DIAPH2: variants seen among roughly 807,000 people sequenced by gnomAD.
DIAPH2 encodes the protein diaphanous related formin 2, also known as protein diaphanous homolog 2.
Under a neutral mutation model 92.7 loss-of-function variants are expected in DIAPH2, and 35 were observed. The ratio of observed to expected loss-of-function variants is 0.38; its 90% CI spans 0.29 to 0.50. The LOEUF is 0.50. Ranked by LOEUF, DIAPH2 falls within the 20% of genes least tolerant of loss-of-function variation. The probability of loss-of-function intolerance (pLI) is 0.94; values close to 1 mark genes in which losing one functional copy is unlikely to be tolerated. For missense variants in DIAPH2, 701 were observed against 819.5 expected (o/e 0.86, Z 1.77); for synonymous variants, 301 against 280.4 (o/e 1.07, Z -0.73).
intron 1 of DIAPH2, among the ~76,000 whole-genome samples, chrX:96,710,058 T>C (rs1417408254): frequency 8.9e-6 from 1 of 111,872 alleles, no homozygotes; most frequent in East Asian, 2.8e-4. Flanking sequence ...GGACATACTT[T>C]CTGGAACATT....
Position 97,009,803 on chromosome X carries a change from A to C in DIAPH2, c.2050+44596A>C, listed in dbSNP as rs1160285665. On this transcript the variant is annotated intron_variant, in intron 17 of 26. Transcript: ENST00000324765. ...TCCTTCTGTGGCTGAGCTGGTATCCAAGTGGCAAAACAAAGTCCTCTTTAC... is the reference window on the plus strand; with the variant it reads ...TCCTTCTGTGGCTGAGCTGGTATCCCAGTGGCAAAACAAAGTCCTCTTTAC... Among the ~76,000 whole-genome samples, 3 of 111,737 alleles carry C rather than the reference A, an allele frequency of 2.7e-5. No homozygotes were observed. In the East Asian group the frequency reaches 8.5e-4, roughly 32 times the overall value.
chrX:97,029,543 T>C (rs777331039), intron 17 of DIAPH2, among the ~76,000 whole-genome samples: 18 of 111,890 alleles, frequency 1.6e-4, no homozygotes, highest in African/African-American at 5.2e-4. Context: ...TAAGCTAAAT[T>C]GATCTGTTTT....
intron 26 of DIAPH2, among the ~76,000 whole-genome samples, chrX:97,475,378 A>T (rs1163615023): frequency 8.9e-6 from 1 of 112,373 alleles, no homozygotes; most frequent in Admixed American, 9.4e-5. Context: ...TGCCCCAAAC[A>T]TAGCATATTT....
chrX:97,250,369 A>G (rs1028461790), intron 23 of DIAPH2, among the ~76,000 whole-genome samples: 1 of 112,126 alleles, frequency 8.9e-6, no homozygotes, highest in African/African-American at 3.2e-5. Context: ...CAGAACAGCA[A>G]CAATGCTGTA....
At chrX:96,990,741 G>A (rs998496801) in intron 17 of DIAPH2, among the ~76,000 whole-genome samples, 1 of 110,503 alleles carries the variant, frequency 9.0e-6, no homozygotes. Context: ...TACCACTAAG[G>A]GTGCTTAATT....
At position 97,102,253 on chromosome X, in the gene DIAPH2, G is replaced by C. The variant is rs150995100; in HGVS notation, c.2349+2458G>C. On this transcript the variant is annotated intron_variant, in intron 20 of 26. Coordinates refer to ENST00000324765, the MANE Select transcript of DIAPH2 (RefSeq NM_006729.5). ...CTATTTCACTCGCTCCCTATTCTGC[G>C]TCCTTTCATTTTTCCATAGTGGCCA... 2.2e-4 allele frequency among the ~76,000 whole-genome samples: 25 copies of C among 111,150 alleles called. No homozygotes were observed. In the Middle Eastern group the frequency reaches 0.014, roughly 62 times the overall value.
intron 9 of DIAPH2, among the ~76,000 whole-genome samples, chrX:96,928,797 C>T (rs1041757165): frequency 6.3e-5 from 7 of 111,085 alleles, no homozygotes; most frequent in African/African-American, 1.3e-4. Context: ...ATGGATGGAA[C>T]GTCTTTGTTT....
At chrX:97,216,826 T>C (rs975742925) in intron 22 of DIAPH2, among the ~76,000 whole-genome samples, 2 of 111,710 alleles carry the variant, frequency 1.8e-5, no homozygotes, top group Non-Finnish European at 3.8e-5. Flanking sequence ...AACACTTTTA[T>C]TGTAATTCTG....
At chrX:97,369,202 C>T (rs2069417681) in intron 24 of DIAPH2, among the ~76,000 whole-genome samples, 1 of 111,861 alleles carries the variant, frequency 8.9e-6, no homozygotes, top group African/African-American at 3.2e-5. Context: ...GCCACCGCGA[C>T]CAGCCAGAAT....
chrX:97,158,283 G>T (rs2067339409), intron 22 of DIAPH2, among the ~76,000 whole-genome samples: 2 of 112,328 alleles, frequency 1.8e-5, no homozygotes, highest in African/African-American at 6.5e-5. Context: ...GAGCTCTATT[G>T]TCCCATAAGT....
At chrX:96,924,616 A>G (rs2065567764) in intron 9 of DIAPH2, among the ~76,000 whole-genome samples, 1 of 111,415 alleles carries the variant, frequency 9.0e-6, no homozygotes, top group Non-Finnish European at 1.9e-5. Context: ...ACATTGCTAT[A>G]AAGAGCTACC....
At chrX:96,762,492 A>G (rs12559887) in intron 4 of DIAPH2, among the ~76,000 whole-genome samples, 17,127 of 110,758 alleles carry the variant, frequency 0.15, 1,144 homozygotes, top group East Asian at 0.32. Flanking sequence ...ATTTTCAAGT[A>G]TAATATAAAA....
In DIAPH2 at chrX:97,061,639, T is replaced by G. The variant is rs759804532; in HGVS notation, c.2051-11302T>G. ...TTGACCAACATGGTGAAACCCCATC[T>G]CTACTAAAAAAAAAAAATACAAAAA... On this transcript the variant is annotated intron_variant, in intron 17 of 26. Transcript: ENST00000324765. 2.8e-5 allele frequency among the ~76,000 whole-genome samples: 3 copies of G among 106,021 alleles called. No individual in the cohort carries two copies. The East Asian group carries it at 8.8e-4, about 31-fold the overall frequency. 92.1% of individuals were successfully genotyped at this position (106,021 alleles called of 115,157 possible). A position where few individuals can be genotyped will look rare whatever the true frequency, so the allele number is the denominator to read the frequency against.
intron 3 of DIAPH2, among the ~76,000 whole-genome samples, chrX:96,739,234 A>G (rs2064105399): frequency 8.9e-6 from 1 of 111,905 alleles, no homozygotes; most frequent in African/African-American, 3.2e-5. Context: ...CACACAACCT[A>G]CATTTTCTAG....
At chrX:97,396,658 C>T (rs959284180) in intron 25 of DIAPH2, among the ~76,000 whole-genome samples, 5 of 111,490 alleles carry the variant, frequency 4.5e-5, no homozygotes, top group South Asian at 3.8e-4. Flanking sequence ...AAATAAATTC[C>T]GTTGTTACAC....
At chrX:97,469,184 T>C (rs1177783775) in intron 26 of DIAPH2, among the ~76,000 whole-genome samples, 1 of 111,683 alleles carries the variant, frequency 9.0e-6, no homozygotes, top group Non-Finnish European at 1.9e-5. Flanking sequence ...GGACAAACAT[T>C]ATGAAAAGGC....
chrX:96,996,262 G>A (rs941319210), intron 17 of DIAPH2, among the ~76,000 whole-genome samples: 2 of 111,772 alleles, frequency 1.8e-5, no homozygotes, highest in Non-Finnish European at 3.8e-5. Context: ...TTTGATACTA[G>A]CAAAGAAAAC....
chrX:97,507,141 CAAAAAA>C (rs397896097), intron 26 of DIAPH2, among the ~76,000 whole-genome samples: 4 of 31,130 alleles, frequency 1.3e-4, no homozygotes, highest in African/African-American at 2.7e-4. Flanking sequence ...ACAAAACCGA[CAAAAAA>C]AAAAAAAAAA....
At position 97,158,959 on chromosome X, in the gene DIAPH2, C is replaced by T. The variant is rs189054704; in HGVS notation, c.2719+17165C>T. ...TATACAGATTTTTAAAAACAAAACA[C>T]AGAAGTTTGAAAAACCATCAGGTAT... On this transcript the variant is annotated intron_variant, in intron 22 of 26. Transcript: ENST00000324765. 1.1e-3 allele frequency among the ~76,000 whole-genome samples: 128 copies of T among 112,225 alleles called. 1 individual carries two copies. Among genetic ancestry groups the T allele is most frequent in the African/African-American group, 4.1e-3 (127 of 30,978 alleles).
Sources: allele counts gnomAD v4.1 joint callset (sites outside exome capture counted in the v4.1 genomes callset), GRCh38; gene constraint gnomAD v4.1.1; transcripts MANE v1.5; gene names NCBI Gene and HGNC (gene_info 2026-07-23, HGNC 2026-07-21).